Variants in PEBP4 observed in about 807,000 individuals in gnomAD.
PEBP4 encodes the protein phosphatidylethanolamine-binding protein 4.
A neutral mutation model predicts 23.9 loss-of-function variants in PEBP4; 22 were observed. The observed-to-expected ratio is 0.92, with a 90% CI of 0.66 to 1.31. The LOEUF (loss-of-function observed/expected upper bound fraction) is 1.31. Ranked by LOEUF, PEBP4 falls within the 40% of genes most tolerant of loss-of-function variation. The pLI is 0.00. For synonymous variants in PEBP4, 112 were observed against 99.3 expected (o/e 1.13, Z -0.76); for missense variants, 324 against 281.7 (o/e 1.15, Z -1.07).
intron 4 of PEBP4, among the ~76,000 whole-genome samples, chr8:22,764,215 AG>A (rs1805565335): frequency 6.6e-6 from 1 of 152,182 alleles, no homozygotes; most frequent in African/African-American, 2.4e-5. Context: ...AGTGGTCCCA[AG>A]TATGTTGTTT....
At position 22,762,741 on chromosome 8, in the gene PEBP4, A is replaced by G. The variant is rs111606814; in HGVS notation, c.358-35521T>C. Reference sequence around the variant, plus strand: ...ACTTTCTCTTTCCCTCCCCACTCCAATCAAAGAACTGTGGAGTCTTGGGGT... The same window carrying G: ...ACTTTCTCTTTCCCTCCCCACTCCAGTCAAAGAACTGTGGAGTCTTGGGGT... On this transcript the variant is annotated intron_variant, in intron 4 of 6. Transcript: ENST00000256404. 1.7e-3 allele frequency among the ~76,000 whole-genome samples: 261 copies of G among 152,176 alleles called. 4 individuals are homozygous for G. The highest frequency in any genetic ancestry group is 6.0e-3 in the African/African-American group (251 of 41,534).
chr8:22,901,642 C>G (rs1391410842), intron 3 of PEBP4, among the ~76,000 whole-genome samples: 1 of 152,184 alleles, frequency 6.6e-6, no homozygotes, highest in East Asian at 1.9e-4. Context: ...CAGGGCAAGG[C>G]CAAACCTACT....
chr8:22,761,805 C>T (rs183787588), intron 4 of PEBP4, among the ~76,000 whole-genome samples: 2 of 152,236 alleles, frequency 1.3e-5, no homozygotes, highest in Admixed American at 6.5e-5. Flanking sequence ...CCTTCTTTCT[C>T]GCTCTCTCTC....
In PEBP4 at chr8:22,865,482, G is replaced by GCC. The variant is rs1038887808; in HGVS notation, c.259-47749_259-47748dup. ...CCGCCGCGAGGTGGAGCGCGCCACC[G>GCC]CCCCCCCGGCCGCGCAGCGAGAAGG... On this transcript the variant is annotated intron_variant, in intron 3 of 6. Transcript: ENST00000256404. The surrounding 1 kb of genome is among the most constrained non-coding windows in gnomAD (Gnocchi z 6.9). Among the ~76,000 whole-genome samples, 2 of 151,584 alleles carry GCC rather than the reference G, an allele frequency of 1.3e-5. No homozygotes were observed. The highest frequency in any genetic ancestry group is 2.4e-5 in the African/African-American group (1 of 41,322).
At chr8:22,718,059 G>T (rs576485390) in intron 6 of PEBP4, among the ~76,000 whole-genome samples, 1 of 152,154 alleles carries the variant, frequency 6.6e-6, no homozygotes, top group Admixed American at 6.5e-5. Context: ...CAATTACTCC[G>T]GGAGGAGATT....
At chr8:22,918,035 T>C (rs1416692402) in intron 3 of PEBP4, among the ~76,000 whole-genome samples, 2 of 152,230 alleles carry the variant, frequency 1.3e-5, no homozygotes, top group African/African-American at 2.4e-5. Flanking sequence ...TGTTTCCCCC[T>C]CTTTTCTGGC....
At chr8:22,907,543 G>C (rs1348719161) in intron 3 of PEBP4, among the ~76,000 whole-genome samples, 1 of 152,096 alleles carries the variant, frequency 6.6e-6, no homozygotes, top group Non-Finnish European at 1.5e-5. Context: ...AAAAGAGAGA[G>C]AGAGAGAAAG....
upstream of PEBP4, chr8:22,927,916 G>A: frequency 1.7e-6 from 1 of 584,582 alleles, no homozygotes; most frequent in East Asian, 3.2e-5. Context: ...GGGAGGACTG[G>A]GCCTCTTCCA....
chr8:22,878,481 C>T (rs756558490), intron 3 of PEBP4, among the ~76,000 whole-genome samples: 31 of 152,264 alleles, frequency 2.0e-4, no homozygotes, highest in Admixed American at 3.3e-4. Flanking sequence ...CTTTTCTGCC[C>T]GTCAGTTTAC....
chr8:22,823,955 C>G (rs1451567531), intron 3 of PEBP4, among the ~76,000 whole-genome samples: 1 of 152,038 alleles, frequency 6.6e-6, no homozygotes, highest in East Asian at 1.9e-4. Flanking sequence ...ATAAAATTAA[C>G]AAAAGTTTTC....
chr8:22,780,078 AGCTGGGACCACAGGT>A (rs1441248404), intron 4 of PEBP4, among the ~76,000 whole-genome samples: 37 of 151,956 alleles, frequency 2.4e-4, no homozygotes, highest in Admixed American at 2.0e-3. Context: ...CCCCTGAAGT[AGCTGGGACCACAGGT>A]GCTGGGACCA....
intron 4 of PEBP4, among the ~76,000 whole-genome samples, chr8:22,811,718 C>G (rs1806632245): frequency 6.6e-6 from 1 of 152,192 alleles, no homozygotes; most frequent in East Asian, 1.9e-4. Flanking sequence ...ATGGGACTGA[C>G]CAAAGGCTTC....
chr8:22,836,184 C>G (rs1293386843), intron 3 of PEBP4, among the ~76,000 whole-genome samples: 1 of 152,212 alleles, frequency 6.6e-6, no homozygotes, highest in South Asian at 2.1e-4. Context: ...AAGTGCTTTT[C>G]TCTTAGACTG....
At chr8:22,809,668 T>C (rs1448438331) in intron 4 of PEBP4, among the ~76,000 whole-genome samples, 3 of 152,236 alleles carry the variant, frequency 2.0e-5, no homozygotes, top group Non-Finnish European at 4.4e-5. Context: ...GAGGTGCTTA[T>C]GTAAAACACA....
intron 3 of PEBP4, among the ~76,000 whole-genome samples, chr8:22,891,520 G>A (rs1045597597): frequency 6.6e-6 from 1 of 152,160 alleles, no homozygotes; most frequent in Non-Finnish European, 1.5e-5. Flanking sequence ...CTGGGTGTGG[G>A]GATGACAATA....
intron 4 of PEBP4, among the ~76,000 whole-genome samples, chr8:22,734,084 G>C (rs773618201): frequency 2.6e-5 from 4 of 152,250 alleles, no homozygotes; most frequent in Non-Finnish European, 4.4e-5. Context: ...AGGCTGCCAA[G>C]TGGCAAAGGA....
chr8:22,801,662 T>A (rs1271316480), intron 4 of PEBP4, among the ~76,000 whole-genome samples: 1 of 152,044 alleles, frequency 6.6e-6, no homozygotes, highest in Admixed American at 6.5e-5. Flanking sequence ...CCTTGGGAAA[T>A]GGTTTTGCAA....
chr8:22,809,915 C>A (rs1481086862), intron 4 of PEBP4, among the ~76,000 whole-genome samples: 1 of 152,240 alleles, frequency 6.6e-6, no homozygotes. Flanking sequence ...CTGCACCAGC[C>A]TTCTACCCAG....
At chr8:22,894,080 C>G (rs1265988461) in intron 3 of PEBP4, among the ~76,000 whole-genome samples, 1 of 152,038 alleles carries the variant, frequency 6.6e-6, no homozygotes, top group Non-Finnish European at 1.5e-5. Context: ...ACTGGCAGCC[C>G]GCGGCATATA....
Sources: allele counts gnomAD v4.1 joint callset (sites outside exome capture counted in the v4.1 genomes callset), GRCh38; gene constraint gnomAD v4.1.1; non-coding constraint Gnocchi (gnomAD v3.1); transcripts MANE v1.5; gene names NCBI Gene and HGNC (gene_info 2026-07-23, HGNC 2026-07-21).